PTPRD: variants seen among roughly 807,000 people sequenced by gnomAD.
PTPRD encodes receptor-type tyrosine-protein phosphatase delta.
In PTPRD, 34 loss-of-function variants were observed where a neutral mutation model predicts 214.5. The ratio of observed to expected loss-of-function variants is 0.16; its 90% CI spans 0.12 to 0.21. PTPRD has a LOEUF of 0.21. Ranked by LOEUF, PTPRD falls within the 10% of genes least tolerant of loss-of-function variation. PTPRD has a pLI of 1.00. For missense variants in PTPRD, 2,545 were observed against 2,398.7 expected, an observed-to-expected ratio of 1.06 and a Z score of -1.27; for synonymous variants, 1,128 against 845.7, an observed-to-expected ratio of 1.33 and a Z score of -5.79.
At chr9:8,589,148 A>G (rs1187013611) in intron 14 of PTPRD, among the ~76,000 whole-genome samples, 1 of 152,208 alleles carries the variant, frequency 6.6e-6, no homozygotes, top group Non-Finnish European at 1.5e-5. Context: ...CAAAGAAAGT[A>G]TTCTTACAGG....
chr9:8,814,513 G>A (rs904144968), intron 11 of PTPRD, among the ~76,000 whole-genome samples: 4 of 152,182 alleles, frequency 2.6e-5, no homozygotes, highest in East Asian at 1.9e-4. Context: ...CACCAAAGAC[G>A]GCAAAGAAAT....
chr9:10,009,347 G>A (rs201425255), intron 4 of PTPRD, among the ~76,000 whole-genome samples: 1 of 150,236 alleles, frequency 6.7e-6, no homozygotes, highest in Non-Finnish European at 1.5e-5. Flanking sequence ...ATACATTTTA[G>A]GGAGACAGAC....
intron 2 of PTPRD, among the ~76,000 whole-genome samples, chr9:10,377,646 A>G (rs2097757014): frequency 6.6e-6 from 1 of 152,190 alleles, no homozygotes; most frequent in Admixed American, 6.6e-5. Flanking sequence ...GCTGCATAGT[A>G]TTCCATGGTG....
Position 9,627,949 on chromosome 9 carries a change from G to GT in PTPRD, c.-286-53169dup, listed in dbSNP as rs562016671. 1.3e-3 allele frequency among the ~76,000 whole-genome samples: 190 copies of GT among 151,900 alleles called. 1 individual carries two copies. The highest frequency in any genetic ancestry group is 1.0e-3 in the South Asian group (5 of 4,814). ...CCAAAACCTATATTTTACAACATAT[G>GT]TTTTTTTTAAGTGGCACATCAATGT... On this transcript the variant is annotated intron_variant, in intron 7 of 45. Coordinates refer to ENST00000381196, the MANE Select transcript of PTPRD (RefSeq NM_002839.4).
intron 7 of PTPRD, among the ~76,000 whole-genome samples, chr9:9,594,893 C>CAA (rs2093131868): frequency 6.6e-6 from 1 of 151,680 alleles, no homozygotes; most frequent in Non-Finnish European, 1.5e-5. Flanking sequence ...CAAGAAAAAA[C>CAA]AAACAAACAA....
At chr9:8,943,202 C>G (rs1392502134) in intron 11 of PTPRD, among the ~76,000 whole-genome samples, 1 of 152,038 alleles carries the variant, frequency 6.6e-6, no homozygotes, top group Non-Finnish European at 1.5e-5. Context: ...AATGTCCATA[C>G]TACCCAAAAC....
chr9:9,816,719 A>G (rs2048893490), intron 5 of PTPRD, among the ~76,000 whole-genome samples: 1 of 152,058 alleles, frequency 6.6e-6, no homozygotes, highest in Non-Finnish European at 1.5e-5. Flanking sequence ...TTACCCCAAA[A>G]TATCACTGTG....
At chr9:10,169,203 G>T (rs1159574195) in intron 3 of PTPRD, among the ~76,000 whole-genome samples, 2 of 152,070 alleles carry the variant, frequency 1.3e-5, no homozygotes, top group Non-Finnish European at 2.9e-5. Flanking sequence ...GGCCGGGCGC[G>T]GTGGCTCACG....
chr9:9,721,614 A>G (rs1221388855), intron 7 of PTPRD, among the ~76,000 whole-genome samples: 1 of 152,140 alleles, frequency 6.6e-6, no homozygotes, highest in Admixed American at 6.6e-5. Context: ...GAGTTAAATG[A>G]ACAACTTTAC....
intron 2 of PTPRD, among the ~76,000 whole-genome samples, chr9:10,462,112 C>G (rs548113385): frequency 1.5e-4 from 23 of 151,980 alleles, no homozygotes; most frequent in African/African-American, 5.5e-4. Context: ...TGATAGTTAG[C>G]GTATTATATA....
intron 11 of PTPRD, chr9:8,858,305 A>T (rs1238133028): frequency 6.6e-6 from 1 of 152,588 alleles, no homozygotes; most frequent in Admixed American, 6.6e-5. Flanking sequence ...CTTCCCCCCA[A>T]AAGTGAAGCG....
At chr9:10,309,522 CTT>C (rs771490425) in intron 3 of PTPRD, among the ~76,000 whole-genome samples, 11 of 83,144 alleles carry the variant, frequency 1.3e-4, no homozygotes, top group East Asian at 3.4e-4. Flanking sequence ...CCAGCTATTT[CTT>C]TTTTTTTTTT....
chr9:9,702,833 T>C (rs2097529872), intron 7 of PTPRD, among the ~76,000 whole-genome samples: 1 of 152,142 alleles, frequency 6.6e-6, no homozygotes, highest in Non-Finnish European at 1.5e-5. Context: ...AGAAAGTGAA[T>C]GTGATCAGGA....
intron 33 of PTPRD, among the ~76,000 whole-genome samples, chr9:8,457,042 T>C (rs2096233526): frequency 6.6e-6 from 1 of 152,206 alleles, no homozygotes; most frequent in Non-Finnish European, 1.5e-5. Context: ...TTCAATTGCC[T>C]TGTGAATTTT....
chr9:8,555,570 A>C (rs2083471704), intron 14 of PTPRD, among the ~76,000 whole-genome samples: 2 of 152,356 alleles, frequency 1.3e-5, no homozygotes. Flanking sequence ...AGAGGAACAC[A>C]GTCTTTAAAT....
chr9:10,345,048 T>C (rs2097043739), intron 2 of PTPRD, among the ~76,000 whole-genome samples: 1 of 152,170 alleles, frequency 6.6e-6, no homozygotes, highest in Non-Finnish European at 1.5e-5. Context: ...GAATGGAAAC[T>C]TGGTGAAGAC....
At chr9:9,516,118 A>T (rs2096831663) in intron 8 of PTPRD, among the ~76,000 whole-genome samples, 1 of 152,164 alleles carries the variant, frequency 6.6e-6, no homozygotes, top group Admixed American at 6.6e-5. Flanking sequence ...ATCTTTGAAA[A>T]TTAAAATTGA....
At chr9:9,240,306 A>G (rs2099969728) in intron 9 of PTPRD, among the ~76,000 whole-genome samples, 1 of 152,314 alleles carries the variant, frequency 6.6e-6, no homozygotes, top group Admixed American at 6.5e-5. Context: ...GGTTTAAACT[A>G]TATATATTTT....
At position 9,860,416 on chromosome 9, in the gene PTPRD, G is replaced by A. The variant is rs76619232; in HGVS notation, c.-368+78091C>T. On this transcript the variant is annotated intron_variant, in intron 5 of 45. Coordinates refer to ENST00000381196, the MANE Select transcript of PTPRD (RefSeq NM_002839.4). ...TATAAAGTAGGTACATTTGCCTTAT[G>A]TGGGTAAGGAGAAACAAAACATCAC... is the stretch of plus-strand genomic sequence containing the variant. 2.5e-3 allele frequency among the ~76,000 whole-genome samples: 383 copies of A among 152,332 alleles called. 1 individual carries two copies. Among genetic ancestry groups the A allele is most frequent in the African/African-American group, 8.6e-3 (357 of 41,582 alleles).
Sources: allele counts gnomAD v4.1 joint callset (sites outside exome capture counted in the v4.1 genomes callset), GRCh38; gene constraint gnomAD v4.1.1; transcripts MANE v1.5; gene names NCBI Gene and HGNC (gene_info 2026-07-23, HGNC 2026-07-21).